The following COL4A1 variants were observed in gnomAD, a reference collection of about 807,000 sequenced individuals.
COL4A1 encodes collagen type IV alpha 1 chain.
Under a neutral mutation model 216.6 loss-of-function variants are expected in COL4A1, and 40 were observed. The ratio of observed to expected loss-of-function variants is 0.18; its 90% CI spans 0.14 to 0.24. The LOEUF (loss-of-function observed/expected upper bound fraction) is 0.24, where lower values mean the gene tolerates loss of function less well. COL4A1 is among the 10% of genes least tolerant of loss of function. The probability of loss-of-function intolerance (pLI) is 1.00; values close to 1 mark genes in which losing one functional copy is unlikely to be tolerated. For synonymous variants in COL4A1, 839 were observed against 810.7 expected, an observed-to-expected ratio of 1.03 and a Z score of -0.59; for missense variants, 1,628 against 2,196.8, an observed-to-expected ratio of 0.74 and a Z score of 5.18.
intron 1 of COL4A1, among the ~76,000 whole-genome samples, chr13:110,269,786 A>T (rs543135509): frequency 6.6e-6 from 1 of 151,982 alleles, no homozygotes; most frequent in East Asian, 2.0e-4. Flanking sequence ...TGAGATTCTG[A>T]AGTGATTATA....
At chr13:110,235,699 C>T (rs1252942278) in intron 2 of COL4A1, among the ~76,000 whole-genome samples, 1 of 149,304 alleles carries the variant, frequency 6.7e-6, no homozygotes, top group East Asian at 2.0e-4. Context: ...GATAATCATA[C>T]AAGAAGGTAA....
intron 1 of COL4A1, among the ~76,000 whole-genome samples, chr13:110,274,468 A>G (rs1488884263): frequency 6.6e-6 from 1 of 152,192 alleles, no homozygotes; most frequent in African/African-American, 2.4e-5. Context: ...ATCTGGCCGC[A>G]TTCCTTGCCT....
At chr13:110,201,326 G>GGAATA (rs1879204692) in intron 19 of COL4A1, 112 bp downstream of exon 19, 1 of 717,284 alleles carries the variant, frequency 1.4e-6, no homozygotes, top group Non-Finnish European at 2.4e-6. Context: ...AGGGGGAGGA[G>GGAATA]GAAGGAGGAG....
chr13:110,164,516 A>T (rs1217853308), intron 46 of COL4A1, among the ~76,000 whole-genome samples: 1 of 152,122 alleles, frequency 6.6e-6, no homozygotes, highest in South Asian at 2.1e-4. Context: ...GAGAGCACCG[A>T]TTTTTACCAT....
intron 2 of COL4A1, among the ~76,000 whole-genome samples, chr13:110,237,388 AC>A (rs1881364925): frequency 6.6e-6 from 1 of 151,900 alleles, no homozygotes; most frequent in South Asian, 2.1e-4. Context: ...TGCACCCCCC[AC>A]CCCCCGCCAG....
intron 1 of COL4A1, among the ~76,000 whole-genome samples, chr13:110,289,063 C>T (rs1883970485): frequency 6.6e-6 from 1 of 152,088 alleles, no homozygotes; most frequent in Non-Finnish European, 1.5e-5. Flanking sequence ...GTGTCACAGG[C>T]CTAGCCCTTC....
chr13:110,198,078 G>T (rs9521645), intron 21 of COL4A1, among the ~76,000 whole-genome samples: 2,173 of 141,874 alleles, frequency 0.015, 31 homozygotes, highest in Non-Finnish European at 0.022. Flanking sequence ...TTGTTTCTGG[G>T]GTGTGTGTGT....
chr13:110,234,487 C>T (rs561020082), intron 2 of COL4A1, among the ~76,000 whole-genome samples: 130 of 152,084 alleles, frequency 8.5e-4, no homozygotes, highest in African/African-American at 3.0e-3. Flanking sequence ...GAGGCTGAGG[C>T]GTGAGAATCA....
Position 110,178,151 on chromosome 13 carries a change from C to T in COL4A1, c.2539G>A (p.Ala847Thr), listed in dbSNP as rs768678871. ...CCCGTTATGCCAGGGAGTCCTTGAG[C>T]CCCTTTATCTCCTTTAGGGCCCGGC... ...DMPGPKGDKG[A>T]QGLPGITGQS... The change falls in exon 32 of 52, where the codon GCT becomes ACT. Residue 847 changes from alanine to threonine, a missense_variant. Physicochemically the swap from Ala to Thr is moderately conservative, Grantham distance 58. This residue lies in a region of COL4A1 where 701 missense variants were observed against 892.5 expected (regional missense o/e 0.79). Coordinates refer to ENST00000375820, the MANE Select transcript of COL4A1 (RefSeq NM_001845.6). 23 of 1,614,050 alleles carry T rather than the reference C, an allele frequency of 1.4e-5. No homozygotes were observed. In the South Asian group the frequency reaches 1.8e-4, roughly 12 times the overall value.
intron 1 of COL4A1, among the ~76,000 whole-genome samples, chr13:110,256,372 C>T (rs1014204944): frequency 9.2e-5 from 14 of 152,244 alleles, no homozygotes; most frequent in Non-Finnish European, 1.9e-4. Context: ...GGATGATACT[C>T]GGGAGGAAGA....
At chr13:110,184,420 A>C (rs939919729) in intron 26 of COL4A1, among the ~76,000 whole-genome samples, 9 of 152,170 alleles carry the variant, frequency 5.9e-5, no homozygotes, top group Non-Finnish European at 1.2e-4. Flanking sequence ...AAGTGATCGG[A>C]AGTCCCTATG....
chr13:110,219,730 A>G (rs200718036), intron 2 of COL4A1, among the ~76,000 whole-genome samples: 14 of 119,156 alleles, frequency 1.2e-4, no homozygotes, highest in East Asian at 1.2e-3. Flanking sequence ...ATATGTGTGT[A>G]TATATATGTA....
intron 24 of COL4A1, chr13:110,191,417 G>T (rs1878620448): frequency 2.6e-6 from 1 of 385,890 alleles, no homozygotes; most frequent in Admixed American, 4.5e-5. Context: ...AAGCTCAGAA[G>T]AACAAAGAAA....
chr13:110,260,433 C>T (rs919119392), intron 1 of COL4A1, among the ~76,000 whole-genome samples: 1 of 152,146 alleles, frequency 6.6e-6, no homozygotes, highest in Admixed American at 6.6e-5. Context: ...TACAGTGAAA[C>T]CACATCACAC....
In COL4A1 at chr13:110,150,338, G is replaced by A; in HGVS notation, c.*25C>T. ...AAAGAAGAAGAAGTAGCACCATGTTGTGACATTAGCTGAGTCAGGCTTCAT... is the reference window on the plus strand; with the variant it reads ...AAAGAAGAAGAAGTAGCACCATGTTATGACATTAGCTGAGTCAGGCTTCAT... On this transcript the variant is annotated 3_prime_UTR_variant, in exon 52 of 52. Transcript: ENST00000375820. 2.5e-6 allele frequency: 4 copies of A among 1,606,750 alleles called. No homozygotes were observed. The highest frequency in any genetic ancestry group is 3.4e-6 in the Non-Finnish European group (4 of 1,174,432).
At chr13:110,210,589 C>T (rs1399076410) in intron 8 of COL4A1, among the ~76,000 whole-genome samples, 1 of 152,188 alleles carries the variant, frequency 6.6e-6, no homozygotes, top group Non-Finnish European at 1.5e-5. Flanking sequence ...TGAGAAAAGG[C>T]TCAGGATGAA....
intron 2 of COL4A1, among the ~76,000 whole-genome samples, chr13:110,240,690 CAT>C (rs1293835082): frequency 1.3e-5 from 2 of 152,238 alleles, no homozygotes; most frequent in African/African-American, 2.4e-5. Flanking sequence ...CTTCCCCACA[CAT>C]GTGTAGCCCA....
intron 46 of COL4A1, among the ~76,000 whole-genome samples, chr13:110,163,984 C>CTTTTTTTTTTTTTTT (rs58236306): frequency 9.1e-6 from 1 of 110,234 alleles, no homozygotes; most frequent in Admixed American, 1.1e-4. Flanking sequence ...TTCTCTCTCT[C>CTTTTTTTTTTTTTTT]TTTTTTTTTT....
At chr13:110,217,198 C>T (rs1200727652) in intron 2 of COL4A1, among the ~76,000 whole-genome samples, 6 of 152,232 alleles carry the variant, frequency 3.9e-5, no homozygotes, top group African/African-American at 9.6e-5. Context: ...AACAGCTATA[C>T]AGTTAGCTGG....
Sources: allele counts gnomAD v4.1 joint callset (sites outside exome capture counted in the v4.1 genomes callset), GRCh38; gene constraint gnomAD v4.1.1; regional missense constraint gnomAD v4.1.1; transcripts MANE v1.5; gene names NCBI Gene and HGNC (gene_info 2026-07-23, HGNC 2026-07-21).